Variants in CHAF1A observed in about 807,000 individuals in gnomAD.
CHAF1A encodes chromatin assembly factor 1 subunit A.
A neutral mutation model predicts 93.2 loss-of-function variants in CHAF1A; 5 were observed. The ratio of observed to expected loss-of-function variants is 0.05; its 90% CI spans 0.03 to 0.11. CHAF1A has a LOEUF of 0.11. Ranked by LOEUF, CHAF1A falls within the 10% of genes least tolerant of loss-of-function variation. The probability of loss-of-function intolerance (pLI) is 1.00; values close to 1 mark genes in which losing one functional copy is unlikely to be tolerated. For missense variants in CHAF1A, 1,102 were observed against 1,259.9 expected, an observed-to-expected ratio of 0.87 and a Z score of 1.90; for synonymous variants, 504 against 510.3, an observed-to-expected ratio of 0.99 and a Z score of 0.17.
intron 2 of CHAF1A, among the ~76,000 whole-genome samples, chr19:4,406,645 G>A (rs1027203085): frequency 6.6e-6 from 1 of 152,056 alleles, no homozygotes; most frequent in Non-Finnish European, 1.5e-5. Context: ...ATGTTGGCCG[G>A]GATGGTCTCG....
chr19:4,421,832 G>T (rs1599648620), intron 4 of CHAF1A, among the ~76,000 whole-genome samples: 2 of 151,504 alleles, frequency 1.3e-5, no homozygotes, highest in Admixed American at 1.3e-4. Flanking sequence ...TCCTGGAGCT[G>T]GTCTCTGAAT....
chr19:4,409,412 C>T lies in CHAF1A; in HGVS notation c.613C>T (p.Arg205Trp), dbSNP rs779932686. Residue 205 changes from arginine to tryptophan, a missense_variant, in exon 3 of 15, where the codon CGG becomes TGG. By Grantham distance (101) the Arg-to-Trp change is moderately radical (BLOSUM62 -3). Around this residue, in one of 6 missense-constraint regions of CHAF1A, gnomAD observed 379 missense variants for 365.7 expected, o/e 1.04. Transcript: ENST00000301280. ...AGGCGACTCCCAGGAATGTTCGCCA[C>T]GGAGCTGCCCGGAGCTGACGAGTGG... The part of the protein sequence containing the change: ...RRGDSQECSP[R>W]SCPELTSGPR... 3.9e-5 allele frequency: 63 copies of T among 1,613,988 alleles called. No homozygotes were observed. The highest frequency in any genetic ancestry group is 4.8e-5 in the Non-Finnish European group (57 of 1,180,016).
At chr19:4,429,896 C>T in intron 10 of CHAF1A, 108 bp downstream of exon 10, 1 of 958,948 alleles carries the variant, frequency 1.0e-6, no homozygotes, top group East Asian at 2.4e-5. Context: ...TCACTGACAG[C>T]TGGTGTTTGA....
intron 13 of CHAF1A, among the ~76,000 whole-genome samples, chr19:4,439,382 C>T (rs769675126): frequency 1.2e-4 from 18 of 152,176 alleles, no homozygotes; most frequent in Non-Finnish European, 7.3e-5. Context: ...CCGTAGTCTG[C>T]GCTCCTCCGT....
intron 3 of CHAF1A, among the ~76,000 whole-genome samples, chr19:4,412,709 T>G (rs1163030749): frequency 6.6e-6 from 1 of 152,230 alleles, no homozygotes; most frequent in Non-Finnish European, 1.5e-5. Context: ...TGTGCAACAT[T>G]TAGGAAACCC....
chr19:4,432,448 G>C (rs953842986), intron 12 of CHAF1A, among the ~76,000 whole-genome samples: 5 of 152,128 alleles, frequency 3.3e-5, no homozygotes, highest in Non-Finnish European at 5.9e-5. Flanking sequence ...GTGCTGGAGT[G>C]GGGGCTGTGC....
Position 4,442,283 on chromosome 19 carries a change from GGAGGAGGAGGAA to G in CHAF1A, c.2723_2734del (p.Glu908_Glu911del), listed in dbSNP as rs749178163. On this transcript the variant is annotated inframe_deletion, in exon 14 of 15. Transcript: ENST00000301280. ...ACATGGACGGCTTCCAGGCAGACAC[GGAGGAGGAGGAA>G]GAGGAGGAGGGCGACTGTATGATCG... The G allele has an allele frequency of 2.4e-5, 39 of 1,613,248 alleles. No individual in the cohort carries two copies. Among genetic ancestry groups the G allele is most frequent in the Middle Eastern group, 1.6e-4 (1 of 6,082 alleles).
chr19:4,406,333 C>G (rs921591785), intron 2 of CHAF1A, among the ~76,000 whole-genome samples: 4 of 152,174 alleles, frequency 2.6e-5, no homozygotes, highest in African/African-American at 7.2e-5. Flanking sequence ...ACTGCCCCCT[C>G]AGAGAACCAC....
At chr19:4,436,834 A>G (rs1442757229) in intron 13 of CHAF1A, among the ~76,000 whole-genome samples, 1 of 152,110 alleles carries the variant, frequency 6.6e-6, no homozygotes, top group Admixed American at 6.5e-5. Flanking sequence ...CTCCCTGTCA[A>G]CATGTGGAAC....
downstream of CHAF1A, chr19:4,446,947 G>A: frequency 6.2e-7 from 1 of 1,609,724 alleles, no homozygotes; most frequent in East Asian, 2.2e-5. Context: ...GCGTCACTGG[G>A]GGCCCCTGGC....
downstream of CHAF1A, chr19:4,443,469 T>C (rs1974437061): frequency 5.4e-6 from 1 of 185,566 alleles, no homozygotes. Flanking sequence ...CCCGGCCCCA[T>C]GTGGTGCCTG....
At chr19:4,440,349 T>C (rs1198610644) in intron 13 of CHAF1A, among the ~76,000 whole-genome samples, 1 of 149,412 alleles carries the variant, frequency 6.7e-6, no homozygotes, top group African/African-American at 2.5e-5. Flanking sequence ...GCTCACACCT[T>C]GTCATCCCAG....
At position 4,432,223 on chromosome 19, in the gene CHAF1A, G is replaced by GC. The variant is rs1974198123; in HGVS notation, c.2203+18dup. 14 of 1,583,982 alleles carry GC rather than the reference G, an allele frequency of 8.8e-6. No individual in the cohort carries two copies. Among genetic ancestry groups the GC allele is most frequent in the Non-Finnish European group, 1.2e-5 (14 of 1,162,002 alleles). ...GACGAGCAGAGTGAGTGTGGGCGGG[G>GC]CCAGGCCACCCACCTGTTCCTGGGC... On this transcript the variant is annotated intron_variant, in intron 12 of 14. Transcript: ENST00000301280.
At chr19:4,411,644 C>CTTTTTTTTTTTTTGTT (rs1973802654) in intron 3 of CHAF1A, among the ~76,000 whole-genome samples, 1 of 48,204 alleles carries the variant, frequency 2.1e-5, no homozygotes, top group African/African-American at 7.9e-5. Flanking sequence ...TGGTGCAAAT[C>CTTTTTTTTTTTTTGTT]TTTTTTTTTT....
intron 3 of CHAF1A, among the ~76,000 whole-genome samples, chr19:4,414,007 A>G (rs939606140): frequency 2.0e-5 from 3 of 152,202 alleles, no homozygotes; most frequent in Non-Finnish European, 2.9e-5. Flanking sequence ...ATGTTGGTGC[A>G]GTTGTGTTAC....
chr19:4,432,975 C>CA (rs1974214188), intron 12 of CHAF1A, 95 bp from the exon 13 acceptor site: 4 of 1,028,360 alleles, frequency 3.9e-6, no homozygotes, highest in Non-Finnish European at 4.2e-6. Context: ...CCCCAAGCCT[C>CA]GGTGGCAATG....
chr19:4,416,976 A>G (rs748689691), intron 3 of CHAF1A, among the ~76,000 whole-genome samples: 30 of 152,086 alleles, frequency 2.0e-4, no homozygotes, highest in Non-Finnish European at 4.0e-4. Context: ...GCCTGGAGAC[A>G]TGTTTTATTT....
At chr19:4,423,527 G>C in intron 6 of CHAF1A, 132 bp downstream of exon 6, 1 of 1,490,688 alleles carries the variant, frequency 6.7e-7, no homozygotes, top group Non-Finnish European at 9.1e-7. Flanking sequence ...CGCAGGGAGG[G>C]CGAGTCTGTC....
Position 4,433,588 on chromosome 19 carries a change from T to G in CHAF1A, c.2673+49T>G, listed in dbSNP as rs767184621. ...GGCCTCTGCAGGGCTTTTCTTTTTT[T>G]GTTTGTTTTTTGTTGTTTTGTTTTT... is the stretch of plus-strand genomic sequence containing the variant. On this transcript the variant is annotated intron_variant, in intron 13 of 14. Coordinates refer to ENST00000301280, the MANE Select transcript of CHAF1A (RefSeq NM_005483.3). The surrounding 1 kb of genome is among the most constrained non-coding windows in gnomAD (Gnocchi z 5.6). 39 of 1,432,960 alleles carry G rather than the reference T, an allele frequency of 2.7e-5. No homozygotes were observed. The highest frequency in any genetic ancestry group is 3.7e-5 in the Non-Finnish European group (39 of 1,062,282). 88.8% of individuals were successfully genotyped at this position (1,432,960 alleles called of 1,614,324 possible). A position where few individuals can be genotyped will look rare whatever the true frequency, so the allele number is the denominator to read the frequency against.
Sources: allele counts gnomAD v4.1 joint callset (sites outside exome capture counted in the v4.1 genomes callset), GRCh38; gene constraint gnomAD v4.1.1; regional missense constraint gnomAD v4.1.1; non-coding constraint Gnocchi (gnomAD v3.1); transcripts MANE v1.5; gene names NCBI Gene and HGNC (gene_info 2026-07-23, HGNC 2026-07-21).